The following AGK variants were observed in gnomAD, a reference collection of about 807,000 sequenced individuals.
AGK encodes acylglycerol kinase.
A neutral mutation model predicts 66.4 loss-of-function variants in AGK; 52 were observed. The observed-to-expected ratio is 0.78, with a 90% CI of 0.63 to 0.99. The LOEUF (loss-of-function observed/expected upper bound fraction) is 0.99. Ranked by LOEUF, AGK falls within the 50% of genes least tolerant of loss-of-function variation. The probability of loss-of-function intolerance (pLI) is 0.00; values close to 1 mark genes in which losing one functional copy is unlikely to be tolerated. For synonymous variants in AGK, 182 were observed against 181.1 expected, an observed-to-expected ratio of 1.00 and a Z score of -0.04; for missense variants, 451 against 506.6, an observed-to-expected ratio of 0.89 and a Z score of 1.05.
chr7:141,618,878 A>G (rs1038102357), intron 8 of AGK, among the ~76,000 whole-genome samples: 9 of 152,156 alleles, frequency 5.9e-5, no homozygotes, highest in African/African-American at 2.2e-4. Context: ...TACTTTATTA[A>G]TAATAATTAC....
At chr7:141,556,455 C>G (rs1001591462) in intron 2 of AGK, among the ~76,000 whole-genome samples, 1 of 151,216 alleles carries the variant, frequency 6.6e-6, no homozygotes. Flanking sequence ...GCAGGAGAAT[C>G]GCTTGAGCCT....
intron 2 of AGK, among the ~76,000 whole-genome samples, chr7:141,572,783 T>C (rs895650700): frequency 1.3e-5 from 2 of 151,878 alleles, no homozygotes; most frequent in Admixed American, 1.3e-4. Flanking sequence ...ATACGTTGAG[T>C]TTGAAACCCC....
chr7:141,637,174 G>A lies in AGK; in HGVS notation c.726+157G>A, dbSNP rs80336838. Among the ~76,000 whole-genome samples the A allele has an allele frequency of 0.1, 15,580 of 151,974 alleles. 1,081 individuals carry two copies. The highest frequency in any genetic ancestry group is 0.15 in the Non-Finnish European group (10,138 of 67,936). ...GTTTGATTAAATACAAATATAGAACGCATTCCTGTTTTGATAAGCAATCAC... is the reference window on the plus strand; with the variant it reads ...GTTTGATTAAATACAAATATAGAACACATTCCTGTTTTGATAAGCAATCAC... On this transcript the variant is annotated intron_variant, in intron 11 of 15. Transcript: ENST00000649286.
At chr7:141,622,520 T>C (rs377298464) in intron 9 of AGK, among the ~76,000 whole-genome samples, 1 of 152,218 alleles carries the variant, frequency 6.6e-6, no homozygotes, top group South Asian at 2.1e-4. Flanking sequence ...TACATTGTTA[T>C]GGTGATCTGC....
chr7:141,608,105 A>C (rs1796502769), intron 5 of AGK, among the ~76,000 whole-genome samples: 1 of 152,172 alleles, frequency 6.6e-6, no homozygotes. Context: ...TAAATTCCCT[A>C]TCCGTCCTTA....
intron 2 of AGK, among the ~76,000 whole-genome samples, chr7:141,577,491 TA>T (rs1190837630): frequency 1.3e-5 from 2 of 152,156 alleles, no homozygotes; most frequent in Admixed American, 1.3e-4. Flanking sequence ...CACAAAAAAT[TA>T]GGCTTGCAGA....
At chr7:141,602,007 G>T (rs1249222947) in intron 5 of AGK, among the ~76,000 whole-genome samples, 2 of 151,808 alleles carry the variant, frequency 1.3e-5, no homozygotes, top group Non-Finnish European at 2.9e-5. Flanking sequence ...TGCCCCCGGG[G>T]GTAGGAGAAA....
chr7:141,647,274 C>T (rs1406587077), intron 13 of AGK, among the ~76,000 whole-genome samples: 1 of 152,186 alleles, frequency 6.6e-6, no homozygotes, highest in Non-Finnish European at 1.5e-5. Flanking sequence ...GAACATATTT[C>T]CCTCCTTAGA....
intron 2 of AGK, among the ~76,000 whole-genome samples, chr7:141,581,611 G>A (rs1329587517): frequency 6.6e-6 from 1 of 151,916 alleles, no homozygotes; most frequent in Non-Finnish European, 1.5e-5. Flanking sequence ...GTTTTAATGG[G>A]ATGGTAAGGG....
At chr7:141,576,254 G>A (rs913774290) in intron 2 of AGK, among the ~76,000 whole-genome samples, 1 of 152,094 alleles carries the variant, frequency 6.6e-6, no homozygotes, top group African/African-American at 2.4e-5. Context: ...CTATAGAAGG[G>A]TGTGATTCAT....
chr7:141,626,526 T>C (rs1190543321), intron 9 of AGK, among the ~76,000 whole-genome samples: 1 of 152,196 alleles, frequency 6.6e-6, no homozygotes, highest in Non-Finnish European at 1.5e-5. Context: ...AAACTTAGCA[T>C]CATGAATAAT....
intron 9 of AGK, among the ~76,000 whole-genome samples, chr7:141,627,463 G>A (rs191777172): frequency 1.3e-5 from 2 of 152,254 alleles, no homozygotes; most frequent in African/African-American, 4.8e-5. Context: ...GATCCTCACT[G>A]TGTCATGATT....
intron 2 of AGK, among the ~76,000 whole-genome samples, chr7:141,581,655 T>C (rs1795882895): frequency 6.6e-6 from 1 of 151,526 alleles, no homozygotes; most frequent in South Asian, 2.1e-4. Flanking sequence ...GAAGTAGAGG[T>C]GTCCTATACT....
chr7:141,561,408 C>T (rs913766878), intron 2 of AGK, among the ~76,000 whole-genome samples: 1 of 152,142 alleles, frequency 6.6e-6, no homozygotes, highest in East Asian at 1.9e-4. Context: ...GTTCCCTTTT[C>T]ACCATATCCA....
intron 15 of AGK, 129 bp from the exon 16 acceptor site, chr7:141,652,658 C>CT: frequency 2.0e-6 from 2 of 982,756 alleles, no homozygotes; most frequent in Non-Finnish European, 3.0e-6. Flanking sequence ...TGTAAAAGAA[C>CT]ATTAGGATAG....
chr7:141,590,145 C>T lies in AGK; in HGVS notation c.102-3001C>T, dbSNP rs139513107. Among the ~76,000 whole-genome samples the T allele has an allele frequency of 3.9e-5, 6 of 152,260 alleles. No homozygotes were observed. In the East Asian group the frequency reaches 1.2e-3, roughly 29 times the overall value. On this transcript the variant is annotated intron_variant, in intron 2 of 15. Coordinates refer to ENST00000649286, the MANE Select transcript of AGK (RefSeq NM_018238.4). The stretch of plus-strand genomic sequence containing the variant: ...TTAGGGAAAAAAATGATCTAAGGTG[C>T]TACCCCATATTCTTGTGCATATTCA...
chr7:141,557,595 A>T lies in AGK; in HGVS notation c.101+2028A>T, dbSNP rs959718733. ...GAGGAACCATGATAAGTTCTTGCCC[A>T]TGTAGCCTTGAGACCTTAAAAAAGG... On this transcript the variant is annotated intron_variant, in intron 2 of 15. Transcript: ENST00000649286. Among the ~76,000 whole-genome samples the T allele has an allele frequency of 5.3e-4, 80 of 152,190 alleles. 1 individual carries two copies. Among genetic ancestry groups the T allele is most frequent in the African/African-American group, 1.9e-3 (80 of 41,462 alleles).
intron 2 of AGK, among the ~76,000 whole-genome samples, chr7:141,574,681 T>C (rs997326212): frequency 5.3e-5 from 8 of 152,210 alleles, no homozygotes; most frequent in African/African-American, 1.9e-4. Context: ...TTAAGTCATT[T>C]CCCATCCTGA....
intron 8 of AGK, among the ~76,000 whole-genome samples, chr7:141,618,986 A>G (rs1009063317): frequency 2.0e-5 from 3 of 152,162 alleles, no homozygotes; most frequent in Non-Finnish European, 4.4e-5. Flanking sequence ...ATATGGATAA[A>G]TCTAACAAAA....
Sources: gnomAD v4.1 joint callset for allele counts (sites outside exome capture counted in the v4.1 genomes callset) on GRCh38, gnomAD v4.1.1 for gene constraint, MANE v1.5 for transcripts, NCBI Gene and HGNC (gene_info 2026-07-23, HGNC 2026-07-21) for gene names.